Variants in GALNT13 observed in about 807,000 individuals in gnomAD.
GALNT13 encodes polypeptide N-acetylgalactosaminyltransferase 13, also known as UDP-GalNAc:polypeptide N-acetylgalactosaminyltransferase 13.
A neutral mutation model predicts 64.2 loss-of-function variants in GALNT13; 28 were observed. That is an observed-to-expected ratio of 0.44 (90% CI 0.32 to 0.60). The LOEUF (loss-of-function observed/expected upper bound fraction) is 0.60, where lower values mean the gene tolerates loss of function less well. GALNT13 is among the 20% of genes least tolerant of loss of function. GALNT13 has a pLI of 0.05. For missense variants in GALNT13, 577 were observed against 669.8 expected (o/e 0.86, Z 1.53); for synonymous variants, 214 against 224.6 (o/e 0.95, Z 0.42).
At chr2:153,958,727 C>A (rs1574206075) in intron 3 of GALNT13, among the ~76,000 whole-genome samples, 1 of 152,224 alleles carries the variant, frequency 6.6e-6, no homozygotes, top group East Asian at 1.9e-4. Flanking sequence ...AATTAGATCC[C>A]AAGCTACAAA....
chr2:153,686,366 C>T, the GALNT13 span, among the ~76,000 whole-genome samples: 1 of 151,912 alleles, frequency 6.6e-6, no homozygotes, highest in Non-Finnish European at 1.5e-5. Context: ...TTTCACCTCC[C>T]TAGTTAGCTG....
the GALNT13 span, among the ~76,000 whole-genome samples, chr2:153,153,158 A>G: frequency 1.3e-5 from 2 of 152,054 alleles, no homozygotes; most frequent in African/African-American, 4.8e-5. Flanking sequence ...ATGATCAGTG[A>G]TGTTGAGCTT....
intron 4 of GALNT13, among the ~76,000 whole-genome samples, chr2:154,143,484 A>G (rs1683383442): frequency 6.6e-6 from 1 of 151,232 alleles, no homozygotes; most frequent in East Asian, 2.0e-4. Flanking sequence ...AATAAATCAG[A>G]ACCATGAATT....
chr2:153,652,989 C>T, the GALNT13 span, among the ~76,000 whole-genome samples: 1 of 151,808 alleles, frequency 6.6e-6, no homozygotes, highest in Non-Finnish European at 1.5e-5. Flanking sequence ...TATGCACACA[C>T]AGATACATAC....
chr2:153,665,687 G>T, the GALNT13 span, among the ~76,000 whole-genome samples: 1 of 152,164 alleles, frequency 6.6e-6, no homozygotes, highest in African/African-American at 2.4e-5. Flanking sequence ...GAATGGGGTT[G>T]CCAAGCACTG....
chr2:153,084,684 G>A, the GALNT13 span, among the ~76,000 whole-genome samples: 12 of 152,180 alleles, frequency 7.9e-5, no homozygotes, highest in Non-Finnish European at 1.3e-4. Context: ...CTTGTAAGAC[G>A]TGACTTTGCT....
At chr2:153,548,296 A>G in the GALNT13 span, among the ~76,000 whole-genome samples, 1 of 152,176 alleles carries the variant, frequency 6.6e-6, no homozygotes, top group Non-Finnish European at 1.5e-5. Flanking sequence ...ATAAAACACC[A>G]TGCTTTGACA....
the GALNT13 span, among the ~76,000 whole-genome samples, chr2:153,088,669 T>C: frequency 6.6e-6 from 1 of 152,180 alleles, no homozygotes; most frequent in Non-Finnish European, 1.5e-5. Context: ...ATATTTGGAA[T>C]TGTGATTTTT....
At chr2:153,742,795 C>T in the GALNT13 span, among the ~76,000 whole-genome samples, 1 of 151,994 alleles carries the variant, frequency 6.6e-6, no homozygotes, top group Non-Finnish European at 1.5e-5. Context: ...TACATATATA[C>T]CACATTTTCT....
intron 3 of GALNT13, among the ~76,000 whole-genome samples, chr2:154,139,136 T>C (rs1367059809): frequency 6.6e-6 from 1 of 152,054 alleles, no homozygotes; most frequent in Non-Finnish European, 1.5e-5. Context: ...GTTTGACTCA[T>C]GCCATTACAA....
intron 9 of GALNT13, among the ~76,000 whole-genome samples, chr2:154,326,341 A>T (rs1309866538): frequency 6.6e-6 from 1 of 151,566 alleles, no homozygotes; most frequent in Admixed American, 6.6e-5. Flanking sequence ...AAAAAAAAAA[A>T]ATACAAGTTA....
At chr2:154,267,670 G>A (rs898403645) in intron 8 of GALNT13, among the ~76,000 whole-genome samples, 1 of 151,912 alleles carries the variant, frequency 6.6e-6, no homozygotes, top group Admixed American at 6.6e-5. Context: ...AAAAACTTGT[G>A]CTTTTCAAAG....
the GALNT13 span, among the ~76,000 whole-genome samples, chr2:153,862,705 A>G: frequency 3.8e-3 from 584 of 152,116 alleles, 5 homozygotes; most frequent in African/African-American, 0.013. Context: ...AAATATACAT[A>G]TGATGTATTT....
At chr2:153,254,319 C>G in the GALNT13 span, among the ~76,000 whole-genome samples, 1 of 132,888 alleles carries the variant, frequency 7.5e-6, no homozygotes, top group African/African-American at 2.8e-5. Context: ...GTGATATCCC[C>G]TTTATCATTT....
At chr2:153,864,470 T>C in the GALNT13 span, among the ~76,000 whole-genome samples, 1 of 152,278 alleles carries the variant, frequency 6.6e-6, no homozygotes, top group South Asian at 2.1e-4. Flanking sequence ...TGTTTGTGTG[T>C]TGTTGGTGTA....
chr2:153,329,653 T>G, the GALNT13 span, among the ~76,000 whole-genome samples: 92,372 of 152,106 alleles, frequency 0.61, 28,849 homozygotes, highest in Non-Finnish European at 0.67. Context: ...AATTGTTTAA[T>G]ATCCTTATAG....
chr2:153,243,053 T>C, the GALNT13 span, among the ~76,000 whole-genome samples: 1 of 152,234 alleles, frequency 6.6e-6, no homozygotes, highest in Non-Finnish European at 1.5e-5. Context: ...CTAATATCAG[T>C]TGTGGAGGTA....
intron 2 of GALNT13, among the ~76,000 whole-genome samples, chr2:153,914,737 G>C (rs1012309764): frequency 6.6e-6 from 1 of 151,894 alleles, no homozygotes; most frequent in Non-Finnish European, 1.5e-5. Flanking sequence ...CCCCCGACAG[G>C]CTTCTTTGCT....
chr2:153,518,428 A>C, the GALNT13 span, among the ~76,000 whole-genome samples: 1 of 152,216 alleles, frequency 6.6e-6, no homozygotes, highest in Non-Finnish European at 1.5e-5. Context: ...AGAATGAATA[A>C]GTGGAGAAAC....
Sources: gnomAD v4.1 joint callset for allele counts (sites outside exome capture counted in the v4.1 genomes callset) on GRCh38, gnomAD v4.1.1 for gene constraint, MANE v1.5 for transcripts, NCBI Gene and HGNC (gene_info 2026-07-23, HGNC 2026-07-21) for gene names.